The following AJAP1 variants were observed in gnomAD, a reference collection of about 807,000 sequenced individuals.
The protein encoded by AJAP1 is adherens junctions associated protein 1.
A neutral mutation model predicts 35.0 loss-of-function variants in AJAP1; 5 were observed. The observed-to-expected ratio is 0.14, with a 90% CI of 0.07 to 0.30. The LOEUF (loss-of-function observed/expected upper bound fraction) is 0.30. AJAP1 is among the 10% of genes least tolerant of loss of function. The pLI is 1.00. For missense variants in AJAP1, 586 were observed against 571.0 expected, an observed-to-expected ratio of 1.03 and a Z score of -0.27; for synonymous variants, 284 against 249.3, an observed-to-expected ratio of 1.14 and a Z score of -1.31.
intron 2 of AJAP1, among the ~76,000 whole-genome samples, chr1:4,764,167 T>C (rs146472163): frequency 2.0e-5 from 3 of 152,280 alleles, no homozygotes; most frequent in Non-Finnish European, 4.4e-5. Context: ...AATCTCTTCT[T>C]ATAGATCTCT....
intron 2 of AJAP1, among the ~76,000 whole-genome samples, chr1:4,730,114 C>T (rs989414754): frequency 5.9e-5 from 9 of 152,164 alleles, no homozygotes; most frequent in Admixed American, 1.3e-4. Flanking sequence ...GGGACTCTGC[C>T]GGATATGTCG....
chr1:4,704,977 G>A (rs528242141), intron 1 of AJAP1, among the ~76,000 whole-genome samples: 3 of 152,284 alleles, frequency 2.0e-5, no homozygotes, highest in African/African-American at 7.2e-5. Context: ...GTCTGTTCAT[G>A]TCCTTCACCC....
rs959155308 is a variant in AJAP1, at chr1:4,752,000, G to T, written c.830-17853G>T. ...ATGCCAGGCACCTGGCATCTGGCTGGATGGTAATAGTGGTGCCCACAGGAG... is the reference window on the plus strand; with the variant it reads ...ATGCCAGGCACCTGGCATCTGGCTGTATGGTAATAGTGGTGCCCACAGGAG... On this transcript the variant is annotated intron_variant, in intron 2 of 5. Coordinates refer to ENST00000378191, the MANE Select transcript of AJAP1 (RefSeq NM_018836.4). Among the ~76,000 whole-genome samples, 3 of 152,196 alleles carry T rather than the reference G, an allele frequency of 2.0e-5. No homozygotes were observed. The East Asian group carries it at 5.8e-4, about 29-fold the overall frequency.
In AJAP1 at chr1:4,783,467, G is replaced by GTA. The variant is rs1306923807; in HGVS notation, c.*983_*984insAT. On this transcript the variant is annotated 3_prime_UTR_variant, in exon 6 of 6. Coordinates refer to ENST00000378191, the MANE Select transcript of AJAP1 (RefSeq NM_018836.4). ...AAGAATGCCAAGGTTTTATATATGTGTGTGTATATATATATATATATATAT... is the reference window on the plus strand; with the variant it reads ...AAGAATGCCAAGGTTTTATATATGTGTATGTGTATATATATATATATATATAT... 7 of 31,364 alleles carry GTA rather than the reference G, an allele frequency of 2.2e-4. No individual in the cohort carries two copies. Among genetic ancestry groups the GTA allele is most frequent in the African/African-American group, 1.4e-3 (6 of 4,316 alleles). 1.9% of individuals were successfully genotyped at this position (31,364 alleles called of 1,614,324 possible).
At position 4,783,089 on chromosome 1, in the gene AJAP1, GTTCC is replaced by G. The variant is rs1290123884; in HGVS notation, c.*607_*610del. The G allele has an allele frequency of 2.1e-4, 76 of 359,742 alleles. 1 individual carries two copies. Among genetic ancestry groups the G allele is most frequent in the Non-Finnish European group, 2.4e-5 (5 of 204,174 alleles). The allele number at this position is 359,742 out of a possible 1,614,324, so 22.3% of individuals were successfully genotyped here. A position where few individuals can be genotyped will look rare whatever the true frequency, so the allele number is the denominator to read the frequency against. On this transcript the variant is annotated 3_prime_UTR_variant, in exon 6 of 6. Transcript: ENST00000378191. ...GTAGCAATTTTTGAAGATCTTAAAT[GTTCC>G]TTTTTAAAAAAAAGAATTGTGTTAT...
intron 1 of AJAP1, among the ~76,000 whole-genome samples, chr1:4,677,930 G>A (rs2100524427): frequency 6.6e-6 from 1 of 152,336 alleles, no homozygotes; most frequent in East Asian, 1.9e-4. Flanking sequence ...GTGAGGAGGA[G>A]TGCTTGTTAT....
rs1642225253 is a variant in AJAP1 at position 4,790,022 on chromosome 1, G to A, written c.*7537G>A. 1 of 152,272 alleles carries A rather than the reference G, an allele frequency of 6.6e-6. No homozygotes were observed. Among genetic ancestry groups the A allele is most frequent in the Non-Finnish European group, 1.5e-5 (1 of 68,086 alleles). 9.4% of individuals were successfully genotyped at this position (152,272 alleles called of 1,614,324 possible). ...CTCTTCAGTCATCCCAAGCCAAAAG[G>A]GAAAATTCGAAACCCACTGTGACAC... On this transcript the variant is annotated 3_prime_UTR_variant, in exon 6 of 6. Transcript: ENST00000378191.
At position 4,655,463 on chromosome 1, in the gene AJAP1, C is replaced by A; in HGVS notation, c.29+9C>A. The A allele has an allele frequency of 6.4e-7, 1 of 1,567,092 alleles. No individual in the cohort carries two copies. Among genetic ancestry groups the A allele is most frequent in the Non-Finnish European group, 8.6e-7 (1 of 1,156,458 alleles). ...CAGCTTTTAGGACTCAGGTGAGCGA[C>A]CCGGCCGGCGCCGGGTGCGTGTGGG... On this transcript the variant is annotated intron_variant, in intron 1 of 5. Transcript: ENST00000378191. This position sits in a 1 kb window ranked among gnomAD's most constrained non-coding sequence, Gnocchi z 6.9.
At position 4,692,564 on chromosome 1, in the gene AJAP1, C is replaced by T. The variant is rs1379065256; in HGVS notation, c.30-19336C>T. On this transcript the variant is annotated intron_variant, in intron 1 of 5. Transcript: ENST00000378191. This position sits in a 1 kb window ranked among gnomAD's most constrained non-coding sequence, Gnocchi z 4.4. Reference sequence around the variant, plus strand: ...AATAGCTCAGCCCCAGCCTGGCCTCCGCAGGCCTCCTGACCATGGCGGGGC... The same window carrying T: ...AATAGCTCAGCCCCAGCCTGGCCTCTGCAGGCCTCCTGACCATGGCGGGGC... Among the ~76,000 whole-genome samples, 2 of 152,218 alleles carry T rather than the reference C, an allele frequency of 1.3e-5. No homozygotes were observed. Among genetic ancestry groups the T allele is most frequent in the African/African-American group, 2.4e-5 (1 of 41,454 alleles).
intron 2 of AJAP1, among the ~76,000 whole-genome samples, chr1:4,724,094 C>A (rs188052229): frequency 6.6e-6 from 1 of 152,190 alleles, no homozygotes; most frequent in African/African-American, 2.4e-5. Context: ...GGTACTGCAC[C>A]GACATGGCCC....
chr1:4,757,285 G>A (rs1364822029), intron 2 of AJAP1, among the ~76,000 whole-genome samples: 1 of 152,222 alleles, frequency 6.6e-6, no homozygotes, highest in African/African-American at 2.4e-5. Flanking sequence ...GGGGCATGCA[G>A]TGCTACCAGT....
intron 5 of AJAP1, among the ~76,000 whole-genome samples, chr1:4,779,334 CTTTTTCTTTTTT>C (rs1642016036): frequency 1.3e-5 from 2 of 150,920 alleles, no homozygotes; most frequent in Admixed American, 1.3e-4. Context: ...TTTTCTTTTT[CTTTTTCTTTTTT>C]TTTTTTTGAG....
intron 1 of AJAP1, among the ~76,000 whole-genome samples, chr1:4,691,804 G>A (rs1639746137): frequency 6.6e-6 from 1 of 152,150 alleles, no homozygotes; most frequent in South Asian, 2.1e-4. Context: ...TGGGGGACAA[G>A]CGCTCAGAGG....
chr1:4,760,692 G>A (rs1464486001), intron 2 of AJAP1, among the ~76,000 whole-genome samples: 1 of 152,206 alleles, frequency 6.6e-6, no homozygotes, highest in Non-Finnish European at 1.5e-5. Context: ...CCTTCCGCCT[G>A]TAACCCATTT....
chr1:4,706,681 C>G (rs1260848905), intron 1 of AJAP1, among the ~76,000 whole-genome samples: 1 of 152,200 alleles, frequency 6.6e-6, no homozygotes, highest in Non-Finnish European at 1.5e-5. Flanking sequence ...GAGGCTCACG[C>G]CGCACACTCC....
At position 4,791,348 on chromosome 1, in the gene AJAP1, A is replaced by G. The variant is rs1195372515; in HGVS notation, c.*8863A>G. The G allele has an allele frequency of 6.6e-6, 1 of 152,258 alleles. No homozygotes were observed. Among genetic ancestry groups the G allele is most frequent in the Non-Finnish European group, 1.5e-5 (1 of 68,046 alleles). 9.4% of individuals were successfully genotyped at this position (152,258 alleles called of 1,614,324 possible). On this transcript the variant is annotated 3_prime_UTR_variant, in exon 6 of 6. Transcript: ENST00000378191. ...TACATTATTTTCTCAAAAGGAACAC[A>G]TGTTTACTACAAACCATTTAGAAAA...
chr1:4,664,877 A>C (rs1639081469), intron 1 of AJAP1, among the ~76,000 whole-genome samples: 1 of 152,116 alleles, frequency 6.6e-6, no homozygotes, highest in South Asian at 2.1e-4. Context: ...GTGCCGGTAG[A>C]CTTCCTAGGC....
chr1:4,769,772 TGC>T, intron 2 of AJAP1, 79 bp from the exon 3 acceptor site: 1 of 1,225,372 alleles, frequency 8.2e-7, no homozygotes, highest in South Asian at 1.2e-5. Flanking sequence ...GTTGGGGGGA[TGC>T]ACCTCCACCT....
chr1:4,715,385 A>G (rs1014594699), intron 2 of AJAP1, among the ~76,000 whole-genome samples: 1 of 152,236 alleles, frequency 6.6e-6, no homozygotes, highest in Non-Finnish European at 1.5e-5. Flanking sequence ...TTCACCAGCA[A>G]AATTGAGGCT....
Sources: gnomAD v4.1 joint callset for allele counts (sites outside exome capture counted in the v4.1 genomes callset) on GRCh38, gnomAD v4.1.1 for gene constraint, Gnocchi (gnomAD v3.1) non-coding constraint, MANE v1.5 for transcripts, NCBI Gene and HGNC (gene_info 2026-07-23, HGNC 2026-07-21) for gene names.